The following ROBO2 variants were observed in gnomAD, a reference collection of about 807,000 sequenced individuals.
ROBO2 encodes roundabout homolog 2.
In ROBO2, 53 loss-of-function variants were observed where a neutral mutation model predicts 160.8. The ratio of observed to expected loss-of-function variants is 0.33; its 90% CI spans 0.26 to 0.41. The LOEUF is 0.41. ROBO2 is among the 10% of genes least tolerant of loss of function. ROBO2 has a pLI of 1.00. For synonymous variants in ROBO2, 664 were observed against 611.7 expected, an observed-to-expected ratio of 1.09 and a Z score of -1.26; for missense variants, 1,577 against 1,722.4, an observed-to-expected ratio of 0.92 and a Z score of 1.49.
At chr3:76,618,099 T>G (rs1297033847) in intron 2 of ROBO2, among the ~76,000 whole-genome samples, 2 of 151,592 alleles carry the variant, frequency 1.3e-5, no homozygotes, top group Non-Finnish European at 2.9e-5. Flanking sequence ...TTGTCTCCAG[T>G]CACAGCAAAG....
chr3:76,028,384 C>T (rs2066812322), intron 2 of ROBO2, among the ~76,000 whole-genome samples: 1 of 151,740 alleles, frequency 6.6e-6, no homozygotes, highest in Admixed American at 6.6e-5. Flanking sequence ...AGTTATATAA[C>T]CTTTTTAGTA....
At chr3:77,068,485 CTT>C (rs1257735597) in intron 1 of ROBO2, among the ~76,000 whole-genome samples, 2 of 152,012 alleles carry the variant, frequency 1.3e-5, no homozygotes, top group African/African-American at 4.8e-5. Flanking sequence ...AAAGCAGAAT[CTT>C]TTTTTCCATT....
At chr3:77,394,706 G>A (rs537532059) in intron 2 of ROBO2, among the ~76,000 whole-genome samples, 6 of 152,040 alleles carry the variant, frequency 3.9e-5, no homozygotes, top group Admixed American at 3.9e-4. Context: ...TAAGTAACAG[G>A]AAAGATAACC....
At chr3:77,142,114 C>T (rs565931615) in intron 2 of ROBO2, among the ~76,000 whole-genome samples, 1 of 152,258 alleles carries the variant, frequency 6.6e-6, no homozygotes, top group South Asian at 2.1e-4. Flanking sequence ...TTTCCTTCCA[C>T]CCCCTTTCTC....
chr3:77,166,716 C>G (rs1249108377), intron 2 of ROBO2, among the ~76,000 whole-genome samples: 2 of 149,994 alleles, frequency 1.3e-5, no homozygotes, highest in Non-Finnish European at 2.9e-5. Context: ...CGCCACCACT[C>G]CCGGCTAATT....
chr3:76,121,615 T>G (rs1011778368), intron 2 of ROBO2, among the ~76,000 whole-genome samples: 1 of 152,188 alleles, frequency 6.6e-6, no homozygotes, highest in Admixed American at 6.5e-5. Context: ...AAACAATTCT[T>G]TTATTTCATT....
At chr3:77,455,404 A>G (rs1464565086) in intron 2 of ROBO2, among the ~76,000 whole-genome samples, 1 of 152,180 alleles carries the variant, frequency 6.6e-6, no homozygotes, top group Admixed American at 6.5e-5. Context: ...TTAGGGCAAA[A>G]CAGAAGTCCG....
intron 2 of ROBO2, among the ~76,000 whole-genome samples, chr3:77,143,904 C>T (rs568227627): frequency 6.6e-6 from 1 of 152,162 alleles, no homozygotes; most frequent in East Asian, 1.9e-4. Flanking sequence ...TTTTGCTACT[C>T]TATTCCACTC....
chr3:77,544,482 A>T (rs550625383), intron 6 of ROBO2, among the ~76,000 whole-genome samples: 14 of 152,272 alleles, frequency 9.2e-5, no homozygotes, highest in African/African-American at 3.1e-4. Context: ...TATGCGTTAG[A>T]TGCGTTGAAC....
At chr3:76,331,245 A>G (rs561660167) in intron 2 of ROBO2, among the ~76,000 whole-genome samples, 19 of 152,290 alleles carry the variant, frequency 1.2e-4, no homozygotes, top group African/African-American at 4.6e-4. Flanking sequence ...GTATATTTTT[A>G]TAGTATGGGG....
chr3:76,842,512 G>A (rs1455440686), intron 2 of ROBO2, among the ~76,000 whole-genome samples: 1 of 152,118 alleles, frequency 6.6e-6, no homozygotes, highest in Non-Finnish European at 1.5e-5. Context: ...AAACCCTAGA[G>A]ACTTTAGGTA....
intron 2 of ROBO2, among the ~76,000 whole-genome samples, chr3:76,693,461 CAT>C (rs953965812): frequency 1.0e-4 from 14 of 135,246 alleles, no homozygotes; most frequent in Non-Finnish European, 1.8e-4. Context: ...TATATATACA[CAT>C]ATATATGTAT....
intron 2 of ROBO2, among the ~76,000 whole-genome samples, chr3:76,878,048 C>G (rs928378317): frequency 2.6e-5 from 4 of 152,200 alleles, no homozygotes; most frequent in African/African-American, 9.6e-5. Context: ...AAAGCCCTAT[C>G]TCCAAATGCA....
chr3:77,090,296 T>C (rs1003394884), intron 1 of ROBO2, among the ~76,000 whole-genome samples: 4 of 146,578 alleles, frequency 2.7e-5, no homozygotes, highest in Non-Finnish European at 6.0e-5. Context: ...TCCATATATA[T>C]GATTTCTTTT....
At chr3:76,450,892 T>C (rs2077441014) in intron 2 of ROBO2, among the ~76,000 whole-genome samples, 1 of 152,188 alleles carries the variant, frequency 6.6e-6, no homozygotes, top group African/African-American at 2.4e-5. Context: ...GTAATATACC[T>C]GTGATATGAT....
chr3:77,102,575 T>A (rs1416773126), intron 2 of ROBO2, among the ~76,000 whole-genome samples: 3 of 152,226 alleles, frequency 2.0e-5, no homozygotes, highest in Non-Finnish European at 4.4e-5. Context: ...TTTTTTTTAC[T>A]ATTTTTTATT....
At chr3:77,366,416 A>G (rs2070881440) in intron 2 of ROBO2, among the ~76,000 whole-genome samples, 1 of 152,036 alleles carries the variant, frequency 6.6e-6, no homozygotes, top group Admixed American at 6.6e-5. Flanking sequence ...TCTCTGTGCC[A>G]TCAGCCATAT....
chr3:76,232,525 C>A (rs1316866140), intron 2 of ROBO2, among the ~76,000 whole-genome samples: 1 of 152,136 alleles, frequency 6.6e-6, no homozygotes, highest in African/African-American at 2.4e-5. Context: ...TGCATCAGGG[C>A]AAATTTGATG....
intron 2 of ROBO2, among the ~76,000 whole-genome samples, chr3:76,436,183 ATTTCTT>A (rs991600975): frequency 3.5e-5 from 1 of 28,508 alleles, no homozygotes; most frequent in Non-Finnish European, 6.3e-5. Context: ...CACACACACC[ATTTCTT>A]TTTCTTTTTT....
Sources: gnomAD v4.1 joint callset for allele counts (sites outside exome capture counted in the v4.1 genomes callset) on GRCh38, gnomAD v4.1.1 for gene constraint, MANE v1.5 for transcripts, NCBI Gene and HGNC (gene_info 2026-07-23, HGNC 2026-07-21) for gene names.